The following MAMDC2 variants were observed in gnomAD, a reference collection of about 807,000 sequenced individuals.
The protein encoded by MAMDC2 is MAM domain containing 2.
Under a neutral mutation model 89.8 loss-of-function variants are expected in MAMDC2, and 57 were observed. The observed-to-expected ratio is 0.63, with a 90% CI of 0.51 to 0.79. The LOEUF is 0.79. MAMDC2 is among the 30% of genes least tolerant of loss of function. MAMDC2 has a pLI of 0.00. For synonymous variants in MAMDC2, 313 were observed against 293.4 expected, an observed-to-expected ratio of 1.07 and a Z score of -0.68; for missense variants, 800 against 820.6, an observed-to-expected ratio of 0.97 and a Z score of 0.31.
In MAMDC2 at chr9:70,129,087, A is replaced by C. The variant is rs140930876; in HGVS notation, c.901-2432A>C. On this transcript the variant is annotated intron_variant, in intron 6 of 13. Transcript: ENST00000377182. The stretch of plus-strand genomic sequence containing the variant: ...CAAGACAGGTGTTTTATAGATAAGA[A>C]AACTGAGACCCTGGGAGGTTAACTG... Among the ~76,000 whole-genome samples, 291 of 152,342 alleles carry C rather than the reference A, an allele frequency of 1.9e-3. 2 individuals are homozygous for C. The highest frequency in any genetic ancestry group is 6.6e-3 in the African/African-American group (276 of 41,588).
intron 11 of MAMDC2, among the ~76,000 whole-genome samples, chr9:70,198,452 G>C (rs368585706): frequency 6.6e-6 from 1 of 151,922 alleles, no homozygotes; most frequent in Non-Finnish European, 1.5e-5. Context: ...AGTTTTAGTT[G>C]ACCTGGAGTT....
chr9:70,160,985 C>A (rs1458734890), intron 9 of MAMDC2, among the ~76,000 whole-genome samples: 1 of 152,042 alleles, frequency 6.6e-6, no homozygotes, highest in African/African-American at 2.4e-5. Context: ...AATGAGGGGG[C>A]TGTATAATGA....
rs73460516 is a variant in MAMDC2, at chr9:70,061,914, C to A, written c.148+17217C>A. 3.4e-3 allele frequency among the ~76,000 whole-genome samples: 511 copies of A among 152,156 alleles called. 3 individuals are homozygous for A. The highest frequency in any genetic ancestry group is 0.01 in the African/African-American group (430 of 41,504). On this transcript the variant is annotated intron_variant, in intron 2 of 13. Transcript: ENST00000377182. ...ATGGATGAATCAGGTGGACTAAAAC[C>A]CTTGGCCTTTCCTGTTGTCCATCTG...
intron 2 of MAMDC2, among the ~76,000 whole-genome samples, chr9:70,107,616 T>A (rs1321405363): frequency 6.6e-6 from 1 of 152,196 alleles, no homozygotes; most frequent in Non-Finnish European, 1.5e-5. Context: ...ATTCCTAATT[T>A]AATAAAAAAT....
intron 5 of MAMDC2, among the ~76,000 whole-genome samples, chr9:70,120,671 CTT>C (rs1396732184): frequency 6.6e-6 from 1 of 152,176 alleles, no homozygotes; most frequent in Non-Finnish European, 1.5e-5. Flanking sequence ...TAGCACCACT[CTT>C]TAGAAAATAG....
chr9:70,166,091 A>T (rs1251715874), intron 9 of MAMDC2, among the ~76,000 whole-genome samples: 1 of 152,028 alleles, frequency 6.6e-6, no homozygotes, highest in East Asian at 1.9e-4. Flanking sequence ...AAATACAAAA[A>T]TTAGCCAGGC....
intron 2 of MAMDC2, among the ~76,000 whole-genome samples, chr9:70,066,800 A>G (rs1827276386): frequency 6.6e-6 from 1 of 152,196 alleles, no homozygotes; most frequent in Non-Finnish European, 1.5e-5. Context: ...CACAGTAGAG[A>G]TAAGTGGGAA....
At position 70,217,723 on chromosome 9, in the gene MAMDC2, AGT is replaced by A. The variant is rs1450836617; in HGVS notation, c.1652-613_1652-612del. ...TGGATTATATTTAAAAAAATTACAG[AGT>A]ATGTTTTCAAAACTAAAAAAAAGTG... On this transcript the variant is annotated intron_variant, in intron 11 of 13. Transcript: ENST00000377182. 6 of 1,323,610 alleles carry A rather than the reference AGT, an allele frequency of 4.5e-6. No homozygotes were observed. The South Asian group carries it at 5.1e-5, about 11-fold the overall frequency. 82.0% of individuals were successfully genotyped at this position (1,323,610 alleles called of 1,614,324 possible).
intron 4 of MAMDC2, among the ~76,000 whole-genome samples, chr9:70,111,679 G>T (rs1206730901): frequency 6.6e-6 from 1 of 152,222 alleles, no homozygotes; most frequent in Non-Finnish European, 1.5e-5. Flanking sequence ...GAAATGTTCA[G>T]TGCTTGCTAA....
intron 9 of MAMDC2, among the ~76,000 whole-genome samples, chr9:70,166,544 C>T (rs948873741): frequency 6.6e-5 from 10 of 151,810 alleles, no homozygotes; most frequent in East Asian, 3.9e-4. Flanking sequence ...TATTTCTGTA[C>T]TATGAAATAA....
chr9:70,050,172 A>G (rs1171968021), intron 2 of MAMDC2, among the ~76,000 whole-genome samples: 1 of 152,188 alleles, frequency 6.6e-6, no homozygotes, highest in Non-Finnish European at 1.5e-5. Context: ...CATACCATGT[A>G]ACATGTATTC....
At chr9:70,197,891 C>A (rs577162185) in intron 11 of MAMDC2, among the ~76,000 whole-genome samples, 2 of 152,022 alleles carry the variant, frequency 1.3e-5, no homozygotes, top group Admixed American at 6.6e-5. Flanking sequence ...AGTAGCCTAA[C>A]GCTACTTTAC....
chr9:70,083,719 C>G (rs577178518), intron 2 of MAMDC2: 5 of 143,248 alleles, frequency 3.5e-5, no homozygotes, highest in African/African-American at 1.0e-4. Context: ...TTTTTTAATA[C>G]CTTTTATCCC....
intron 9 of MAMDC2, among the ~76,000 whole-genome samples, chr9:70,162,730 C>G (rs2032017255): frequency 1.3e-5 from 2 of 152,010 alleles, no homozygotes; most frequent in Admixed American, 1.3e-4. Context: ...TGCAATCTGC[C>G]TGCCTTGGCC....
At chr9:70,100,008 GAGA>G (rs1828133864) in intron 2 of MAMDC2, among the ~76,000 whole-genome samples, 1 of 135,050 alleles carries the variant, frequency 7.4e-6, no homozygotes, top group Non-Finnish European at 1.5e-5. Context: ...GAGAGAGAGA[GAGA>G]GAGAGAGAGA....
intron 9 of MAMDC2, among the ~76,000 whole-genome samples, chr9:70,149,851 C>A (rs1196469399): frequency 6.6e-6 from 1 of 152,198 alleles, no homozygotes; most frequent in Non-Finnish European, 1.5e-5. Context: ...GGCTCATATG[C>A]AGCTGAGCTG....
At chr9:70,150,843 CAGAG>C (rs954001432) in intron 9 of MAMDC2, among the ~76,000 whole-genome samples, 1 of 152,114 alleles carries the variant, frequency 6.6e-6, no homozygotes, top group African/African-American at 2.4e-5. Context: ...CTCTATACTC[CAGAG>C]AGAGACAGAG....
In MAMDC2 at chr9:70,143,695, C is replaced by T. The variant is rs1164028035; in HGVS notation, c.1280C>T (p.Thr427Ile). ...AIYGFLKMSD[T>I]LAVYIFEENH... is the part of the protein sequence containing the mutation. ...TATGGATTTTTAAAAATGAGTGACA[C>T]CCTAGCAGTTTACATCTTTGAAGAG... Residue 427 changes from threonine to isoleucine, a missense_variant, in exon 9 of 14, where the codon ACC becomes ATC. Coordinates refer to ENST00000377182, the MANE Select transcript of MAMDC2 (RefSeq NM_153267.5). 10 of 1,614,022 alleles carry T rather than the reference C, an allele frequency of 6.2e-6. No homozygotes were observed. The highest frequency in any genetic ancestry group is 1.7e-5 in the Admixed American group (1 of 59,994).
intron 11 of MAMDC2, among the ~76,000 whole-genome samples, chr9:70,171,587 A>G (rs2032350193): frequency 6.6e-6 from 1 of 152,194 alleles, no homozygotes; most frequent in Admixed American, 6.5e-5. Context: ...TACTAACTGA[A>G]TAAAAGCACA....
Sources: gnomAD v4.1 joint callset for allele counts (sites outside exome capture counted in the v4.1 genomes callset) on GRCh38, gnomAD v4.1.1 for gene constraint, MANE v1.5 for transcripts, NCBI Gene and HGNC (gene_info 2026-07-23, HGNC 2026-07-21) for gene names.